Variants in KTN1 observed in about 807,000 individuals in gnomAD.
KTN1 encodes kinectin 1, also known as kinectin.
In KTN1, 130 loss-of-function variants were observed where a neutral mutation model predicts 222.5. The ratio of observed to expected loss-of-function variants is 0.58; its 90% CI spans 0.51 to 0.68. KTN1 has a LOEUF of 0.68. Ranked by LOEUF, KTN1 falls within the 30% of genes least tolerant of loss-of-function variation. The probability of loss-of-function intolerance (pLI) is 0.00; values close to 1 mark genes in which losing one functional copy is unlikely to be tolerated. For synonymous variants in KTN1, 512 were observed against 496.3 expected, an observed-to-expected ratio of 1.03 and a Z score of -0.42; for missense variants, 1,508 against 1,500.4, an observed-to-expected ratio of 1.01 and a Z score of -0.08.
rs577514330 is a variant in KTN1 at position 55,678,660 on chromosome 14, A to G, written c.3948+216A>G. 164 of 472,158 alleles carry G rather than the reference A, an allele frequency of 3.5e-4. 1 individual carries two copies. Among genetic ancestry groups the G allele is most frequent in the African/African-American group, 2.1e-3 (107 of 51,148 alleles). 29.2% of individuals were successfully genotyped at this position (472,158 alleles called of 1,614,324 possible). ...GAGAGGTATGGAGCGGGGGTCCCCA[A>G]TTCCTGGACTGTGGACAGGTACCAG... On this transcript the variant is annotated intron_variant, in intron 42 of 43. Coordinates refer to ENST00000395314, the MANE Select transcript of KTN1 (RefSeq NM_001079521.2).
chr14:55,654,945 A>C (rs1403207562), intron 28 of KTN1, among the ~76,000 whole-genome samples: 1 of 152,066 alleles, frequency 6.6e-6, no homozygotes, highest in Non-Finnish European at 1.5e-5. Context: ...TCGTAGTTGA[A>C]ATCATACAGT....
At chr14:55,673,882 CTG>C (rs887524984) in intron 40 of KTN1, 2 of 152,116 alleles carry the variant, frequency 1.3e-5, no homozygotes, top group African/African-American at 4.8e-5. Context: ...TTTCTAAAAA[CTG>C]TACTGATTGT....
intron 1 of KTN1, among the ~76,000 whole-genome samples, chr14:55,580,673 G>T (rs1282889866): frequency 2.0e-5 from 3 of 151,968 alleles, no homozygotes; most frequent in Admixed American, 6.5e-5. Context: ...CCCCAAGGAC[G>T]ACTCTCCCGA....
At position 55,675,887 on chromosome 14, in the gene KTN1, A is replaced by G; in HGVS notation, c.3824A>G (p.Glu1275Gly). 6.2e-7 allele frequency: 1 copy of G among 1,613,482 alleles called. No individual in the cohort carries two copies. The highest frequency in any genetic ancestry group is 8.5e-7 in the Non-Finnish European group (1 of 1,179,474). The change falls in exon 41 of 44, where the codon GAA (glutamate) becomes GGA (glycine). Residue 1275 changes from glutamate (E) to glycine (G), a missense_variant. Transcript: ENST00000395314. ...ACAAAACTTAGAACTGAACAAAATG[A>G]AAGACAGAAGGTAGCTGGTGATTTG... is the stretch of plus-strand genomic sequence containing the variant. ...TLTKLRTEQN[E>G]RQKVAGDLHK...
At chr14:55,646,544 C>CCTTT (rs2042374328) in intron 18 of KTN1, among the ~76,000 whole-genome samples, 2 of 133,378 alleles carry the variant, frequency 1.5e-5, no homozygotes, top group African/African-American at 5.9e-5. Flanking sequence ...CCTTTCCTTT[C>CCTTT]CTTCTCTCTT....
At chr14:55,651,422 C>T in intron 24 of KTN1, 1 of 454,694 alleles carries the variant, frequency 2.2e-6, no homozygotes, top group Non-Finnish European at 4.4e-6. Context: ...AAAAGGACAT[C>T]ATAGAGTACT....
At position 55,617,404 on chromosome 14, in the gene KTN1, A is replaced by T. The variant is rs186609734; in HGVS notation, c.662-560A>T. On this transcript the variant is annotated intron_variant, in intron 3 of 43. Coordinates refer to ENST00000395314, the MANE Select transcript of KTN1 (RefSeq NM_001079521.2). The stretch of plus-strand genomic sequence containing the variant: ...TCAAATTCTTCCCATTAAAATTAGG[A>T]ACAAAATAAAGAGGCTTCCTTCTTC... Among the ~76,000 whole-genome samples, 13 of 152,264 alleles carry T rather than the reference A, an allele frequency of 8.5e-5. No individual in the cohort carries two copies. The East Asian group carries it at 2.1e-3, about 25-fold the overall frequency.
chr14:55,585,118 T>G (rs1477754501), intron 1 of KTN1, among the ~76,000 whole-genome samples: 1 of 124,654 alleles, frequency 8.0e-6, no homozygotes, highest in Non-Finnish European at 1.6e-5. Context: ...GGTGACAGAG[T>G]GAGACTGTGT....
intron 5 of KTN1, among the ~76,000 whole-genome samples, chr14:55,622,880 G>C (rs2039343083): frequency 6.6e-6 from 1 of 152,102 alleles, no homozygotes; most frequent in South Asian, 2.1e-4. Context: ...ACAGGTCTAT[G>C]TCCTGCCTCT....
chr14:55,658,104 A>T (rs981905538), intron 29 of KTN1, among the ~76,000 whole-genome samples: 6 of 152,102 alleles, frequency 3.9e-5, no homozygotes, highest in African/African-American at 1.4e-4. Flanking sequence ...CCAGGGGGAC[A>T]TTTGTCAATA....
rs373490046 is a variant in KTN1, at chr14:55,608,929, CT to C, written c.-30-3089del. On this transcript the variant is annotated intron_variant, in intron 1 of 43. Transcript: ENST00000395314. ...ACAGGCATGAGCCACCATGCCCAGC[CT>C]GTGAACATCTTTCTATATGTTTTTT... is the stretch of plus-strand genomic sequence containing the variant. Among the ~76,000 whole-genome samples, 985 of 152,150 alleles carry C rather than the reference CT, an allele frequency of 6.5e-3. 12 individuals are homozygous for C. The highest frequency in any genetic ancestry group is 0.022 in the African/African-American group (923 of 41,514).
At chr14:55,614,465 C>T (rs1409960897) in intron 2 of KTN1, among the ~76,000 whole-genome samples, 3 of 152,170 alleles carry the variant, frequency 2.0e-5, no homozygotes, top group African/African-American at 7.2e-5. Flanking sequence ...AGGATTAAAG[C>T]TGATCTCCCA....
chr14:55,626,115 T>C (rs2039788586), intron 5 of KTN1, among the ~76,000 whole-genome samples: 1 of 152,164 alleles, frequency 6.6e-6, no homozygotes, highest in South Asian at 2.1e-4. Flanking sequence ...GGAAGTTATA[T>C]ATAATGTTCT....
In KTN1 at chr14:55,664,055, C is replaced by G; in HGVS notation, c.3177+14C>G. On this transcript the variant is annotated intron_variant, in intron 33 of 43. Coordinates refer to ENST00000395314, the MANE Select transcript of KTN1 (RefSeq NM_001079521.2). ...AAGACTTCCAAGGTTGTAATGCTAACTCCTAGAAACAATCCACTGAACAGA... is the reference window on the plus strand; with the variant it reads ...AAGACTTCCAAGGTTGTAATGCTAAGTCCTAGAAACAATCCACTGAACAGA... 1 of 1,569,250 alleles carries G rather than the reference C, an allele frequency of 6.4e-7. No homozygotes were observed. Among genetic ancestry groups the G allele is most frequent in the Non-Finnish European group, 8.8e-7 (1 of 1,142,382 alleles).
At chr14:55,605,094 A>G (rs2036543931) in intron 1 of KTN1, among the ~76,000 whole-genome samples, 1 of 152,178 alleles carries the variant, frequency 6.6e-6, no homozygotes, top group Non-Finnish European at 1.5e-5. Context: ...CAGGCATGAC[A>G]TGTTGGAATT....
intron 24 of KTN1, chr14:55,651,151 C>G (rs549284683): frequency 2.6e-6 from 1 of 378,884 alleles, no homozygotes; most frequent in Admixed American, 3.2e-5. Context: ...CTCATAGATT[C>G]ATTCAGCAAT....
At position 55,678,460 on chromosome 14, in the gene KTN1, A is replaced by T; in HGVS notation, c.3948+16A>T. 1 of 1,486,662 alleles carries T rather than the reference A, an allele frequency of 6.7e-7. No individual in the cohort carries two copies. Among genetic ancestry groups the T allele is most frequent in the African/African-American group, 1.4e-5 (1 of 72,376 alleles). 92.1% of individuals were successfully genotyped at this position (1,486,662 alleles called of 1,614,324 possible). On this transcript the variant is annotated intron_variant, in intron 42 of 43. Transcript: ENST00000395314. ...CCCAGAAACGGTATGTATTTTCTTCATCCCCAGATCTCTGAGCTAGTTACC... is the reference window on the plus strand; with the variant it reads ...CCCAGAAACGGTATGTATTTTCTTCTTCCCCAGATCTCTGAGCTAGTTACC...
intron 1 of KTN1, among the ~76,000 whole-genome samples, chr14:55,598,401 C>T (rs1323841792): frequency 6.8e-6 from 1 of 148,134 alleles, no homozygotes; most frequent in African/African-American, 2.5e-5. Flanking sequence ...CGCCACTGCA[C>T]TCCAGCCTCG....
At chr14:55,680,830 C>A (rs1474480130) in intron 43 of KTN1, 3 of 642,592 alleles carry the variant, frequency 4.7e-6, no homozygotes, top group Non-Finnish European at 7.9e-6. Context: ...CAGCTCAAAT[C>A]TTTTATCCTT....
Sources: gnomAD v4.1 joint callset for allele counts (sites outside exome capture counted in the v4.1 genomes callset) on GRCh38, gnomAD v4.1.1 for gene constraint, MANE v1.5 for transcripts, NCBI Gene and HGNC (gene_info 2026-07-23, HGNC 2026-07-21) for gene names.